GSE1: variants seen among roughly 807,000 people sequenced by gnomAD.
GSE1 encodes Gse1 coiled-coil protein.
Under a neutral mutation model 112.6 loss-of-function variants are expected in GSE1, and 32 were observed. That is an observed-to-expected ratio of 0.28 (90% CI 0.21 to 0.38). The LOEUF (loss-of-function observed/expected upper bound fraction) is 0.38. GSE1 is among the 10% of genes least tolerant of loss of function. The pLI is 1.00. For synonymous variants in GSE1, 1,115 were observed against 735.6 expected (o/e 1.52, Z -8.35); for missense variants, 2,348 against 1,699.2 (o/e 1.38, Z -6.71).
chr16:85,596,970 G>T (rs894828700), intron 1 of GSE1, among the ~76,000 whole-genome samples: 6 of 151,126 alleles, frequency 4.0e-5, no homozygotes, highest in East Asian at 4.0e-4. Context: ...TTGTTTTTTT[G>T]TTTGTTTGTT....
At chr16:85,652,996 G>A (rs1050816864) in intron 3 of GSE1, among the ~76,000 whole-genome samples, 45 of 151,728 alleles carry the variant, frequency 3.0e-4, no homozygotes, top group African/African-American at 1.1e-3. Flanking sequence ...TCCCTGGGAA[G>A]CTCAGAGGGG....
At chr16:85,395,703 G>A (rs368540180) in intron 2 of GSE1, among the ~76,000 whole-genome samples, 28 of 152,126 alleles carry the variant, frequency 1.8e-4, no homozygotes, top group African/African-American at 6.0e-4. Flanking sequence ...CCTCTGTCAC[G>A]TCCGCCCTCC....
intron 4 of GSE1, 29 bp downstream of exon 4, chr16:85,654,479 G>A (rs757614633): frequency 8.4e-6 from 13 of 1,542,088 alleles, no homozygotes; most frequent in South Asian, 1.2e-5. Flanking sequence ...ACTTCGGTGA[G>A]GTGGCCAGGT....
At chr16:85,571,894 G>A (rs375566676) in intron 1 of GSE1, among the ~76,000 whole-genome samples, 2 of 152,132 alleles carry the variant, frequency 1.3e-5, no homozygotes, top group African/African-American at 4.8e-5. Flanking sequence ...GGGCGTGGGG[G>A]CACAAACCAC....
chr16:85,497,722 C>T (rs1270094552), intron 2 of GSE1, among the ~76,000 whole-genome samples: 1 of 152,136 alleles, frequency 6.6e-6, no homozygotes, highest in Non-Finnish European at 1.5e-5. Context: ...GACATGGACA[C>T]AACTTCTTGG....
intron 1 of GSE1, among the ~76,000 whole-genome samples, chr16:85,207,137 C>T (rs2075132363): frequency 1.3e-5 from 2 of 152,216 alleles, no homozygotes. Flanking sequence ...GCCTTCTCCC[C>T]ACCTAGCATC....
intron 2 of GSE1, among the ~76,000 whole-genome samples, chr16:85,494,838 A>G (rs2051119727): frequency 6.6e-6 from 1 of 152,240 alleles, no homozygotes; most frequent in Non-Finnish European, 1.5e-5. Flanking sequence ...CTGATGAGGA[A>G]GCCAAGCCCA....
intron 15 of GSE1, 48 bp downstream of exon 15, chr16:85,671,146 T>C: frequency 8.9e-7 from 1 of 1,129,242 alleles, no homozygotes; most frequent in Non-Finnish European, 1.3e-6. Flanking sequence ...CCTTTTGAGT[T>C]TGGGTTCAGA....
In GSE1 at chr16:85,455,292, G is replaced by A. The variant is rs1567500734; in HGVS notation, c.2464+97649G>A. Among the ~76,000 whole-genome samples, 3 of 152,312 alleles carry A rather than the reference G, an allele frequency of 2.0e-5. No individual in the cohort carries two copies. In the South Asian group the frequency reaches 6.2e-4, roughly 32 times the overall value. Reference sequence around the variant, plus strand: ...TCCCAGCTACTGGGGAGGCAGGCGGGAGGATCGCTTGAGTTTGAGGCTGCA... The same window carrying A: ...TCCCAGCTACTGGGGAGGCAGGCGGAAGGATCGCTTGAGTTTGAGGCTGCA... On this transcript the variant is annotated intron_variant, in intron 2 of 2. Coordinates refer to the GSE1 transcript ENST00000637419.
At chr16:85,306,585 G>A (rs1256858822) in intron 1 of GSE1, among the ~76,000 whole-genome samples, 1 of 152,174 alleles carries the variant, frequency 6.6e-6, no homozygotes, top group Non-Finnish European at 1.5e-5. Context: ...GGTCTCCTCT[G>A]TCACCCAGGC....
chr16:85,325,935 G>A (rs60848858), intron 1 of GSE1, among the ~76,000 whole-genome samples: 3,865 of 151,742 alleles, frequency 0.025, 155 homozygotes, highest in African/African-American at 0.089. Context: ...TTTTAGTAGA[G>A]AGGGGGTTTC....
intron 2 of GSE1, among the ~76,000 whole-genome samples, chr16:85,386,942 C>T (rs1441294112): frequency 6.6e-6 from 1 of 152,158 alleles, no homozygotes; most frequent in African/African-American, 2.4e-5. Context: ...GACAACTGGA[C>T]AGCTCCCACT....
intron 2 of GSE1, among the ~76,000 whole-genome samples, chr16:85,428,937 G>T (rs1329589653): frequency 6.6e-6 from 1 of 152,196 alleles, no homozygotes; most frequent in African/African-American, 2.4e-5. Context: ...GGCAGCTGGA[G>T]TGAGCAGTAA....
intron 2 of GSE1, among the ~76,000 whole-genome samples, chr16:85,455,525 T>G (rs966601561): frequency 2.6e-5 from 4 of 152,018 alleles, no homozygotes; most frequent in Non-Finnish European, 5.9e-5. Context: ...CTCAGGCCGG[T>G]GTGGGTTTAT....
chr16:85,419,175 A>G lies in GSE1; in HGVS notation c.2464+61532A>G, dbSNP rs2048769700. Among the ~76,000 whole-genome samples, 1 of 152,110 alleles carries G rather than the reference A, an allele frequency of 6.6e-6. No homozygotes were observed. Among genetic ancestry groups the G allele is most frequent in the Admixed American group, 6.5e-5 (1 of 15,278 alleles). On this transcript the variant is annotated intron_variant, in intron 2 of 2. Transcript: ENST00000637419. This position sits in a 1 kb window ranked among gnomAD's most constrained non-coding sequence, Gnocchi z 6.5. ...GGGAGCCCAGGCACCGAGCCTGGGG[A>G]TTCTGACAGTCAGAGGCTGCCTTAG...
At chr16:85,537,472 G>A (rs552771952) in intron 2 of GSE1, among the ~76,000 whole-genome samples, 225 of 152,320 alleles carry the variant, frequency 1.5e-3, no homozygotes, top group Non-Finnish European at 2.2e-3. Flanking sequence ...CCAACCTGGG[G>A]TCAACGGGGC....
Position 85,665,977 on chromosome 16 carries a change from A to G in GSE1, c.2760A>G (p.Glu920=), listed in dbSNP as rs777724847. ...PRDSPAVSLS[E]PATQQASLDV... is the part of the protein sequence containing the mutation. ...TTTCCTTCACTTTGTCTCTAAAAGAACCAGCCACGCAGCAAGCCTCTCTGG... is the reference window on the plus strand; with the variant it reads ...TTTCCTTCACTTTGTCTCTAAAAGAGCCAGCCACGCAGCAAGCCTCTCTGG... The change falls in exon 13 of 16, where the codon GAA becomes GAG. Residue 920 remains glutamate, a splice_region_variant and synonymous_variant. Transcript: ENST00000253458. 2.5e-6 allele frequency: 4 copies of G among 1,612,934 alleles called. No individual in the cohort carries two copies. The African/African-American group carries it at 5.3e-5, about 22-fold the overall frequency.
At chr16:85,381,704 G>T (rs2047548286) in intron 2 of GSE1, among the ~76,000 whole-genome samples, 1 of 152,230 alleles carries the variant, frequency 6.6e-6, no homozygotes, top group Non-Finnish European at 1.5e-5. Context: ...TTGGCATCAA[G>T]GCCACCAGGT....
At chr16:85,180,801 A>G (rs1032505127) in intron 1 of GSE1, among the ~76,000 whole-genome samples, 8 of 152,128 alleles carry the variant, frequency 5.3e-5, no homozygotes, top group African/African-American at 1.7e-4. Flanking sequence ...GGGGTCAGGA[A>G]GCCTCCCTGG....
Sources: allele counts gnomAD v4.1 joint callset (sites outside exome capture counted in the v4.1 genomes callset), GRCh38; gene constraint gnomAD v4.1.1; non-coding constraint Gnocchi (gnomAD v3.1); transcripts MANE v1.5; gene names NCBI Gene and HGNC (gene_info 2026-07-23, HGNC 2026-07-21).